The following DGLUCY variants were observed in gnomAD, a reference collection of about 807,000 sequenced individuals.
DGLUCY encodes D-glutamate cyclase, mitochondrial.
A neutral mutation model predicts 58.5 loss-of-function variants in DGLUCY; 58 were observed. The observed-to-expected ratio is 0.99, with a 90% CI of 0.80 to 1.23. The LOEUF is 1.23. Ranked by LOEUF, DGLUCY falls within the 50% of genes most tolerant of loss-of-function variation. DGLUCY has a pLI of 0.00. For missense variants in DGLUCY, 779 were observed against 784.7 expected, an observed-to-expected ratio of 0.99 and a Z score of 0.09; for synonymous variants, 325 against 314.1, an observed-to-expected ratio of 1.03 and a Z score of -0.37.
intron 1 of DGLUCY, among the ~76,000 whole-genome samples, chr14:91,154,987 C>T (rs2047536910): frequency 1.3e-5 from 2 of 152,198 alleles, no homozygotes; most frequent in South Asian, 4.1e-4. Context: ...CTGCCTTGCT[C>T]CTGCTGGCCC....
intron 1 of DGLUCY, among the ~76,000 whole-genome samples, chr14:91,146,159 A>G (rs1416163614): frequency 1.3e-5 from 2 of 152,118 alleles, no homozygotes; most frequent in Non-Finnish European, 2.9e-5. Flanking sequence ...GGCGTGTACC[A>G]CCATGCCTGG....
chr14:91,152,464 A>G (rs572991672), intron 1 of DGLUCY, among the ~76,000 whole-genome samples: 4 of 152,322 alleles, frequency 2.6e-5, no homozygotes, highest in Admixed American at 2.6e-4. Context: ...GAGCCCTTGT[A>G]TTTAACCTAT....
chr14:91,176,101 G>A, intron 7 of DGLUCY, 45 bp downstream of exon 7: 2 of 1,595,498 alleles, frequency 1.3e-6, no homozygotes, highest in Non-Finnish European at 1.7e-6. Context: ...CTAGGATGGA[G>A]CCCAGTGGGG....
intron 1 of DGLUCY, among the ~76,000 whole-genome samples, chr14:91,142,332 A>G (rs2046746577): frequency 6.6e-6 from 1 of 152,104 alleles, no homozygotes; most frequent in African/African-American, 2.4e-5. Context: ...CAAGCACTCC[A>G]GGGTCCTGGA....
At chr14:91,185,744 G>A (rs937378928) in intron 8 of DGLUCY, among the ~76,000 whole-genome samples, 6 of 150,710 alleles carry the variant, frequency 4.0e-5, no homozygotes, top group African/African-American at 7.3e-5. Context: ...ATTTATTGCA[G>A]ATGTGGTGCA....
At chr14:91,176,250 AG>A (rs2048847989) in intron 7 of DGLUCY, among the ~76,000 whole-genome samples, 194 bp downstream of exon 7, 1 of 152,010 alleles carries the variant, frequency 6.6e-6, no homozygotes, top group Non-Finnish European at 1.5e-5. Context: ...TTTTTGAGAC[AG>A]GGTCTCACTC....
intron 1 of DGLUCY, among the ~76,000 whole-genome samples, chr14:91,072,506 T>G (rs755898994): frequency 6.6e-6 from 1 of 152,150 alleles, no homozygotes; most frequent in Non-Finnish European, 1.5e-5. Context: ...TTCTGTTTTC[T>G]GTAAAATTAA....
intron 1 of DGLUCY, among the ~76,000 whole-genome samples, chr14:91,081,696 G>A (rs188899527): frequency 9.9e-5 from 15 of 151,828 alleles, no homozygotes; most frequent in Admixed American, 9.2e-4. Flanking sequence ...ATCTTCAAAG[G>A]CCATCTCTCC....
intron 1 of DGLUCY, among the ~76,000 whole-genome samples, chr14:91,143,675 C>G (rs2046861906): frequency 6.6e-6 from 1 of 152,144 alleles, no homozygotes; most frequent in Non-Finnish European, 1.5e-5. Context: ...TGATGGTCAT[C>G]CACAGAGAAT....
At chr14:91,123,210 G>T (rs1486152753) in intron 1 of DGLUCY, among the ~76,000 whole-genome samples, 1 of 152,136 alleles carries the variant, frequency 6.6e-6, no homozygotes, top group African/African-American at 2.4e-5. Context: ...GGTCTAACTT[G>T]GGTGTTTCCA....
chr14:91,185,608 T>G (rs1263221991), intron 8 of DGLUCY: 5 of 151,842 alleles, frequency 3.3e-5, no homozygotes, highest in African/African-American at 1.2e-4. Context: ...CTGCCATACC[T>G]TCTCCTTCAC....
intron 4 of DGLUCY, among the ~76,000 whole-genome samples, chr14:91,169,421 T>C (rs1386845476): frequency 6.6e-6 from 1 of 151,218 alleles, no homozygotes; most frequent in African/African-American, 2.4e-5. Context: ...TTTTTTTTTT[T>C]TCTTTGAGGC....
chr14:91,167,240 G>A lies in DGLUCY; in HGVS notation c.119G>A (p.Ser40Asn). The change falls in exon 4 of 14, where the codon AGC becomes AAC. Residue 40 changes from serine (S) to asparagine (N), a missense_variant. Physicochemically the swap from Ser to Asn is conservative, Grantham distance 46. Coordinates refer to ENST00000256324, the MANE Select transcript of DGLUCY (RefSeq NM_001102368.3). ...SSMAGELRPA[S>N]LVVLPRSLAP... ...CCATACCCAGAGCTCCGACCAGCCA[G>A]CCTGGTGGTCCTGCCCAGGTCCCTT... is the stretch of plus-strand genomic sequence containing the variant. 6.3e-7 allele frequency: 1 copy of A among 1,595,206 alleles called. No individual in the cohort carries two copies. The highest frequency in any genetic ancestry group is 1.1e-5 in the South Asian group (1 of 87,850).
At chr14:91,101,565 T>C (rs1320901081) in intron 1 of DGLUCY, among the ~76,000 whole-genome samples, 2 of 152,230 alleles carry the variant, frequency 1.3e-5, no homozygotes, top group East Asian at 3.8e-4. Context: ...CCTTTGCTGC[T>C]GGTCACACCC....
intron 7 of DGLUCY, among the ~76,000 whole-genome samples, chr14:91,180,210 G>C (rs207475138): frequency 6.6e-6 from 1 of 151,704 alleles, no homozygotes; most frequent in African/African-American, 2.4e-5. Context: ...TTTTATGTAC[G>C]TTTTCCAGTT....
At chr14:91,075,088 A>G (rs79637789) in intron 1 of DGLUCY, among the ~76,000 whole-genome samples, 1 of 151,162 alleles carries the variant, frequency 6.6e-6, no homozygotes, top group Non-Finnish European at 1.5e-5. Flanking sequence ...AAAAAAAAAA[A>G]GAAGAATTGC....
intron 8 of DGLUCY, among the ~76,000 whole-genome samples, chr14:91,186,507 A>C (rs2049533596): frequency 6.6e-6 from 1 of 152,130 alleles, no homozygotes; most frequent in Non-Finnish European, 1.5e-5. Context: ...CAGGTGATCC[A>C]TCTGCCTCAG....
intron 12 of DGLUCY, among the ~76,000 whole-genome samples, chr14:91,212,264 T>C (rs1033800315): frequency 8.5e-5 from 13 of 152,176 alleles, no homozygotes; most frequent in Admixed American, 7.9e-4. Flanking sequence ...CCTAACACTT[T>C]GGGAGACCAA....
chr14:91,140,136 C>CA (rs1261524982), intron 1 of DGLUCY, among the ~76,000 whole-genome samples: 1 of 152,204 alleles, frequency 6.6e-6, no homozygotes, highest in Admixed American at 6.5e-5. Flanking sequence ...TTCCTTCTGG[C>CA]AGAGTGAACC....
Sources: allele counts gnomAD v4.1 joint callset (sites outside exome capture counted in the v4.1 genomes callset), GRCh38; gene constraint gnomAD v4.1.1; transcripts MANE v1.5; gene names NCBI Gene and HGNC (gene_info 2026-07-23, HGNC 2026-07-21).